Variants in LHFPL3 observed in about 807,000 individuals in gnomAD.
LHFPL3 encodes LHFPL tetraspan subfamily member 3, also known as LHFPL tetraspan subfamily member 3 protein.
Under a neutral mutation model 19.3 loss-of-function variants are expected in LHFPL3, and 5 were observed. The ratio of observed to expected loss-of-function variants is 0.26; its 90% confidence interval spans 0.14 to 0.54. The LOEUF (loss-of-function observed/expected upper bound fraction) is 0.54. Ranked by LOEUF, LHFPL3 falls within the 20% of genes least tolerant of loss-of-function variation. The probability of loss-of-function intolerance (pLI) is 0.94; values close to 1 mark genes in which losing one functional copy is unlikely to be tolerated. For synonymous variants in LHFPL3, 133 were observed against 126.2 expected (o/e 1.05, Z -0.36); for missense variants, 249 against 307.4 (o/e 0.81, Z 1.42).
intron 1 of LHFPL3, among the ~76,000 whole-genome samples, chr7:104,497,324 AAAAG>A (rs1167624989): frequency 6.6e-6 from 1 of 151,956 alleles, no homozygotes. Context: ...AAAAAAAAAA[AAAAG>A]AAGAAGATTC....
chr7:104,571,582 G>A (rs1349193984), intron 1 of LHFPL3, among the ~76,000 whole-genome samples: 1 of 152,128 alleles, frequency 6.6e-6, no homozygotes, highest in Non-Finnish European at 1.5e-5. Flanking sequence ...TTTGAATGAT[G>A]CCAAATCCAC....
intron 1 of LHFPL3, among the ~76,000 whole-genome samples, chr7:104,453,684 G>A (rs928240180): frequency 2.0e-5 from 3 of 151,674 alleles, no homozygotes; most frequent in African/African-American, 4.9e-5. Flanking sequence ...GGTGGGGCCC[G>A]GTGGGAGGTG....
intron 2 of LHFPL3, among the ~76,000 whole-genome samples, chr7:104,745,999 A>G (rs1292883306): frequency 1.3e-5 from 2 of 152,172 alleles, no homozygotes; most frequent in Non-Finnish European, 2.9e-5. Context: ...GTTCTTCACA[A>G]TCACCTGGGG....
At chr7:104,876,720 A>T (rs2116672433) in intron 2 of LHFPL3, among the ~76,000 whole-genome samples, 1 of 152,132 alleles carries the variant, frequency 6.6e-6, no homozygotes, top group South Asian at 2.1e-4. Context: ...CAGTGTGGCG[A>T]TTCCTCAGGG....
At chr7:104,711,165 C>T (rs1357904700) in intron 1 of LHFPL3, among the ~76,000 whole-genome samples, 3 of 152,220 alleles carry the variant, frequency 2.0e-5, no homozygotes, top group African/African-American at 7.2e-5. Flanking sequence ...AGCAATATCA[C>T]TCTGCAGTTA....
At chr7:104,406,467 TCCTCAAAACTA>T (rs1236327648) in intron 1 of LHFPL3, among the ~76,000 whole-genome samples, 1 of 152,244 alleles carries the variant, frequency 6.6e-6, no homozygotes, top group Admixed American at 6.5e-5. Flanking sequence ...TATCATTTAT[TCCTCAAAACTA>T]CCTGAAAATG....
At chr7:104,877,856 CAG>C (rs1264321888) in intron 2 of LHFPL3, among the ~76,000 whole-genome samples, 1 of 147,194 alleles carries the variant, frequency 6.8e-6, no homozygotes, top group African/African-American at 2.5e-5. Flanking sequence ...TTTTTTGAGA[CAG>C]AGTCTTTCTC....
chr7:104,764,460 C>T (rs918361038), intron 2 of LHFPL3, among the ~76,000 whole-genome samples: 4 of 152,232 alleles, frequency 2.6e-5, no homozygotes, highest in Non-Finnish European at 4.4e-5. Context: ...CATGAGCCAC[C>T]GCACCCAGCC....
chr7:104,558,947 C>A (rs1322888273), intron 1 of LHFPL3, among the ~76,000 whole-genome samples: 1 of 147,886 alleles, frequency 6.8e-6, no homozygotes, highest in East Asian at 1.9e-4. Flanking sequence ...ATCCTTTCCC[C>A]ATTGCTTGTT....
intron 1 of LHFPL3, among the ~76,000 whole-genome samples, chr7:104,372,793 G>T (rs2116434409): frequency 6.6e-6 from 1 of 152,272 alleles, no homozygotes; most frequent in African/African-American, 2.4e-5. Flanking sequence ...TTGGGGCAAA[G>T]GGCAATATAC....
intron 1 of LHFPL3, among the ~76,000 whole-genome samples, chr7:104,713,850 G>A (rs1584493153): frequency 6.6e-6 from 1 of 152,156 alleles, no homozygotes; most frequent in East Asian, 1.9e-4. Flanking sequence ...TGAAAATAGA[G>A]AGTCCCAAGG....
At chr7:104,841,350 A>G (rs1049945904) in intron 2 of LHFPL3, among the ~76,000 whole-genome samples, 8 of 152,170 alleles carry the variant, frequency 5.3e-5, no homozygotes, top group Middle Eastern at 3.2e-3. Context: ...CGTTCTGCAT[A>G]AAGCCCATCT....
chr7:104,839,841 T>C (rs1791162392), intron 2 of LHFPL3, among the ~76,000 whole-genome samples: 1 of 152,128 alleles, frequency 6.6e-6, no homozygotes, highest in African/African-American at 2.4e-5. Context: ...AAACTTTGTT[T>C]TTCTATTGAA....
At chr7:104,597,695 C>T (rs769769397) in intron 1 of LHFPL3, among the ~76,000 whole-genome samples, 22 of 152,192 alleles carry the variant, frequency 1.4e-4, no homozygotes, top group Non-Finnish European at 2.5e-4. Context: ...TTTCCTATTT[C>T]AATCAATATA....
intron 1 of LHFPL3, among the ~76,000 whole-genome samples, chr7:104,378,752 T>A (rs1790764616): frequency 6.6e-6 from 1 of 152,228 alleles, no homozygotes; most frequent in South Asian, 2.1e-4. Flanking sequence ...CTAGTGATGA[T>A]GTTAAGCATC....
intron 1 of LHFPL3, among the ~76,000 whole-genome samples, chr7:104,524,175 G>A (rs1026219430): frequency 1.3e-5 from 2 of 152,166 alleles, no homozygotes; most frequent in Admixed American, 1.3e-4. Flanking sequence ...GGAATGGTGA[G>A]AGAAGTTAGA....
At chr7:104,703,190 T>C (rs926450043) in intron 1 of LHFPL3, among the ~76,000 whole-genome samples, 2 of 152,210 alleles carry the variant, frequency 1.3e-5, no homozygotes, top group Non-Finnish European at 1.5e-5. Flanking sequence ...TATTTAGGCT[T>C]TTTATCACCG....
intron 1 of LHFPL3, among the ~76,000 whole-genome samples, chr7:104,584,183 G>T (rs1384377599): frequency 4.6e-5 from 7 of 151,898 alleles, no homozygotes; most frequent in Admixed American, 2.6e-4. Flanking sequence ...CTGGAAACCA[G>T]CATTCTCAGC....
chr7:104,474,669 C>T (rs938969080), intron 1 of LHFPL3, among the ~76,000 whole-genome samples: 6 of 104,996 alleles, frequency 5.7e-5, no homozygotes, highest in Non-Finnish European at 9.0e-5. Flanking sequence ...TCCATCACAA[C>T]GACAACAACA....
Sources: allele counts gnomAD v4.1 joint callset (sites outside exome capture counted in the v4.1 genomes callset), GRCh38; gene constraint gnomAD v4.1.1; transcripts MANE v1.5; gene names NCBI Gene and HGNC (gene_info 2026-07-23, HGNC 2026-07-21).